The following CSRNP3 variants were observed in gnomAD, a reference collection of about 807,000 sequenced individuals.
CSRNP3 encodes cysteine/serine-rich nuclear protein 3.
CSRNP3 carries 12 observed loss-of-function variants against 48.0 expected under a neutral mutation model. The observed-to-expected ratio is 0.25, with a 90% CI of 0.16 to 0.41. The LOEUF is 0.41. CSRNP3 is among the 10% of genes least tolerant of loss of function. The pLI is 1.00. For missense variants in CSRNP3, 580 were observed against 724.4 expected (o/e 0.80, Z 2.29); for synonymous variants, 263 against 269.7 (o/e 0.98, Z 0.24).
chr2:165,566,680 C>T (rs1368598294), intron 3 of CSRNP3: 1 of 151,836 alleles, frequency 6.6e-6, no homozygotes, highest in African/African-American at 2.4e-5. Context: ...GAGACGGGCT[C>T]ATTGCATTGC....
chr2:165,544,884 A>G (rs772979025), intron 3 of CSRNP3, among the ~76,000 whole-genome samples: 8 of 152,168 alleles, frequency 5.3e-5, no homozygotes, highest in Non-Finnish European at 1.0e-4. Flanking sequence ...AAATAGAGAA[A>G]GGAACCAAGA....
At chr2:165,597,134 T>G (rs1257768726) in intron 4 of CSRNP3, among the ~76,000 whole-genome samples, 3 of 152,220 alleles carry the variant, frequency 2.0e-5, no homozygotes, top group Non-Finnish European at 4.4e-5. Flanking sequence ...ATGTTATTTC[T>G]CATGAGTTAT....
intron 3 of CSRNP3, among the ~76,000 whole-genome samples, chr2:165,520,144 C>A (rs1574817853): frequency 6.6e-6 from 1 of 152,058 alleles, no homozygotes; most frequent in East Asian, 1.9e-4. Context: ...GGACATAGGT[C>A]TATCTATGTG....
In CSRNP3 at chr2:165,679,536, C is replaced by T. The variant is rs1687494030; in HGVS notation, c.1541C>T (p.Pro514Leu). 1.2e-6 allele frequency: 2 copies of T among 1,613,668 alleles called. No homozygotes were observed. Among genetic ancestry groups the T allele is most frequent in the African/African-American group, 1.3e-5 (1 of 74,944 alleles). Reference protein sequence around the residue: ...CSSSENDSGVPCNSLYPEHRS... With the variant: ...CSSSENDSGVLCNSLYPEHRS... Reference sequence around the variant, plus strand: ...TCTTCCGAAAATGATAGCGGTGTGCCCTGCAATAGTTTATATCCTGAACAC... The same window carrying T: ...TCTTCCGAAAATGATAGCGGTGTGCTCTGCAATAGTTTATATCCTGAACAC... Residue 514 changes from proline (P) to leucine (L), a missense_variant, in exon 7 of 7, where the codon CCC becomes CTC. Physicochemically the swap from Pro to Leu is moderately conservative, Grantham distance 98. Transcript: ENST00000651982.
rs1225859039 is a variant in CSRNP3, at chr2:165,490,053, C to T, written c.-282-4706C>T. 9.9e-5 allele frequency among the ~76,000 whole-genome samples: 15 copies of T among 151,834 alleles called. 1 individual carries two copies. Among genetic ancestry groups the T allele is most frequent in the East Asian group, 7.8e-4 (4 of 5,144 alleles). On this transcript the variant is annotated intron_variant, in intron 1 of 6. Coordinates refer to ENST00000651982, the MANE Select transcript of CSRNP3 (RefSeq NM_001172173.2). ...TGATTGTTTATCTAGAAATCCCCAT[C>T]GTCTCAGCCCAAAATCTCCTTAAGC...
chr2:165,665,797 G>GAGAGAGAGAA (rs1687172576), intron 5 of CSRNP3, among the ~76,000 whole-genome samples: 3 of 149,368 alleles, frequency 2.0e-5, no homozygotes, highest in African/African-American at 7.4e-5. Flanking sequence ...GAGAGAGAGA[G>GAGAGAGAGAA]AGAGAAAGAG....
At chr2:165,593,811 T>C (rs1685764529) in intron 3 of CSRNP3, among the ~76,000 whole-genome samples, 1 of 152,182 alleles carries the variant, frequency 6.6e-6, no homozygotes, top group Admixed American at 6.5e-5. Context: ...ATGCATGGAA[T>C]TGCCTTATTA....
chr2:165,497,821 T>C (rs1684303659), intron 2 of CSRNP3, among the ~76,000 whole-genome samples: 1 of 152,036 alleles, frequency 6.6e-6, no homozygotes, highest in Non-Finnish European at 1.5e-5. Context: ...ACCACACAGC[T>C]CTCTGATGGT....
chr2:165,547,469 T>C (rs1158430724), intron 3 of CSRNP3, among the ~76,000 whole-genome samples: 1 of 152,146 alleles, frequency 6.6e-6, no homozygotes, highest in Non-Finnish European at 1.5e-5. Context: ...TCTGCCAGTC[T>C]GGAGTGTGTT....
At chr2:165,534,416 C>G (rs188579681) in intron 3 of CSRNP3, among the ~76,000 whole-genome samples, 1 of 151,976 alleles carries the variant, frequency 6.6e-6, no homozygotes, top group Non-Finnish European at 1.5e-5. Flanking sequence ...TTATATATTA[C>G]TGGTGAACAT....
At chr2:165,595,795 G>C (rs1185836559) in intron 4 of CSRNP3, among the ~76,000 whole-genome samples, 1 of 151,760 alleles carries the variant, frequency 6.6e-6, no homozygotes, top group East Asian at 1.9e-4. Flanking sequence ...TTTATTTATT[G>C]TATTTTTAAG....
intron 4 of CSRNP3, among the ~76,000 whole-genome samples, chr2:165,596,740 GATA>G (rs142310608): frequency 0.46 from 69,310 of 151,660 alleles, 15,883 homozygotes; most frequent in South Asian, 0.49. Context: ...TACTAGTAGT[GATA>G]ATAACATCAT....
At chr2:165,674,711 T>TAA (rs1687392740) in intron 5 of CSRNP3, among the ~76,000 whole-genome samples, 2 of 139,532 alleles carry the variant, frequency 1.4e-5, no homozygotes, top group Non-Finnish European at 1.6e-5. Flanking sequence ...TATATATATA[T>TAA]ATAATTTGTT....
At chr2:165,675,859 T>C (rs372425236) in intron 5 of CSRNP3, among the ~76,000 whole-genome samples, 14 of 152,198 alleles carry the variant, frequency 9.2e-5, no homozygotes, top group African/African-American at 2.7e-4. Flanking sequence ...AAAGACAGAG[T>C]TGTTATTTCA....
At chr2:165,579,590 G>A (rs938576082) in intron 3 of CSRNP3, among the ~76,000 whole-genome samples, 1 of 152,150 alleles carries the variant, frequency 6.6e-6, no homozygotes, top group African/African-American at 2.4e-5. Flanking sequence ...CACATAGAAA[G>A]TGTCCAAGAA....
rs1439233318 is a variant in CSRNP3 at position 165,595,179 on chromosome 2, C to T, written c.114C>T (p.Asp38=). 3.7e-6 allele frequency: 6 copies of T among 1,614,128 alleles called. No individual in the cohort carries two copies. The highest frequency in any genetic ancestry group is 1.3e-5 in the African/African-American group (1 of 75,050). Residue 38 remains aspartate (D), a synonymous_variant, in exon 4 of 7, where the codon GAC becomes GAT. Transcript: ENST00000651982. ...GCAGTGAAAGTGCTGACAGTGGGGA[C>T]AGTGTCAATCCATCCACTTCTAGTC... ...VSSSESADSG[D]SVNPSTSSHF... is the part of the protein sequence containing the mutation.
chr2:165,596,702 A>C (rs1225450595), intron 4 of CSRNP3, among the ~76,000 whole-genome samples: 1 of 151,510 alleles, frequency 6.6e-6, no homozygotes, highest in African/African-American at 2.4e-5. Context: ...ACTCAGAAGA[A>C]GAGATGTATT....
At position 165,689,256 on chromosome 2, in the gene CSRNP3, G is replaced by A. The variant is rs1247717957; in HGVS notation, c.*9503G>A. Reference sequence around the variant, plus strand: ...ATTTATTGTGGCTTTTTATTGCAGTGTGTATATATATATAACAAATAAGCA... The same window carrying A: ...ATTTATTGTGGCTTTTTATTGCAGTATGTATATATATATAACAAATAAGCA... On this transcript the variant is annotated 3_prime_UTR_variant, in exon 7 of 7. Transcript: ENST00000651982. 1 of 151,878 alleles carries A rather than the reference G, an allele frequency of 6.6e-6. No homozygotes were observed. Among genetic ancestry groups the A allele is most frequent in the Non-Finnish European group, 1.5e-5 (1 of 67,980 alleles). The allele number at this position is 151,878 out of a possible 1,614,324, so 9.4% of individuals were successfully genotyped here. A position where few individuals can be genotyped will look rare whatever the true frequency, so the allele number is the denominator to read the frequency against.
In CSRNP3 at chr2:165,685,616, G is replaced by A. The variant is rs904073175; in HGVS notation, c.*5863G>A. The A allele has an allele frequency of 1.3e-5, 2 of 152,084 alleles. No homozygotes were observed. The highest frequency in any genetic ancestry group is 1.3e-4 in the Admixed American group (2 of 15,238). The allele number at this position is 152,084 out of a possible 1,614,324, so 9.4% of individuals were successfully genotyped here. A position where few individuals can be genotyped will look rare whatever the true frequency, so the allele number is the denominator to read the frequency against. On this transcript the variant is annotated 3_prime_UTR_variant, in exon 7 of 7. Coordinates refer to ENST00000651982, the MANE Select transcript of CSRNP3 (RefSeq NM_001172173.2). ...CCATGGGAAATGAGGTCATTTCAAA[G>A]ATGTAAGTCACGTTGGTGACTACTT... is the stretch of plus-strand genomic sequence containing the variant.
Sources: allele counts gnomAD v4.1 joint callset (sites outside exome capture counted in the v4.1 genomes callset), GRCh38; gene constraint gnomAD v4.1.1; transcripts MANE v1.5; gene names NCBI Gene and HGNC (gene_info 2026-07-23, HGNC 2026-07-21).